Variants in BYSL observed in about 807,000 individuals in gnomAD.
BYSL encodes the protein bystin.
Under a neutral mutation model 45.4 loss-of-function variants are expected in BYSL, and 21 were observed. The ratio of observed to expected loss-of-function variants is 0.46; its 90% CI spans 0.33 to 0.67. The LOEUF (loss-of-function observed/expected upper bound fraction) is 0.67, where lower values mean the gene tolerates loss of function less well. BYSL is among the 30% of genes least tolerant of loss of function. The probability of loss-of-function intolerance (pLI) is 0.02; values close to 1 mark genes in which losing one functional copy is unlikely to be tolerated. For missense variants in BYSL, 522 were observed against 578.5 expected (o/e 0.90, Z 1.00); for synonymous variants, 215 against 231.3 (o/e 0.93, Z 0.64).
At chr6:41,914,969 T>G in the BYSL span, among the ~76,000 whole-genome samples, 6 of 152,248 alleles carry the variant, frequency 3.9e-5, no homozygotes, top group East Asian at 3.9e-4. Flanking sequence ...TGCATAAGGA[T>G]TGTCTGGATT....
At chr6:41,910,840 G>A in the BYSL span, among the ~76,000 whole-genome samples, 190 of 151,840 alleles carry the variant, frequency 1.3e-3, 1 homozygote, top group African/African-American at 4.3e-3. Flanking sequence ...TGGGCACAGT[G>A]GCTCACACCT....
intron 2 of BYSL, among the ~76,000 whole-genome samples, chr6:41,928,366 C>A (rs968345404): frequency 6.6e-6 from 1 of 152,180 alleles, no homozygotes. Flanking sequence ...CTGATAAATT[C>A]TGTGGCAGCT....
At chr6:41,912,034 A>G in the BYSL span, among the ~76,000 whole-genome samples, 2 of 151,580 alleles carry the variant, frequency 1.3e-5, no homozygotes, top group Admixed American at 6.6e-5. Context: ...GTTATGGACA[A>G]TAACATTTTC....
intron 1 of BYSL, among the ~76,000 whole-genome samples, chr6:41,922,613 A>G (rs569216828): frequency 1.3e-5 from 2 of 152,090 alleles, no homozygotes; most frequent in South Asian, 2.1e-4. Flanking sequence ...TCTTATTGCA[A>G]CCTCTTCTCC....
rs1455812602 is a variant in BYSL, at chr6:41,930,249, A to C, written c.549A>C (p.Glu183Asp). The part of the protein sequence containing the change: ...PMPQLDPRVL[E>D]VYRGVREVLS... Reference sequence around the variant, plus strand: ...CCCAGCTGGACCCCCGGGTCCTAGAAGTGTACAGGGGGGTCCGGGAGGTAA... The same window carrying C: ...CCCAGCTGGACCCCCGGGTCCTAGACGTGTACAGGGGGGTCCGGGAGGTAA... Residue 183 changes from glutamate to aspartate, a missense_variant, in exon 3 of 7, where the codon GAA becomes GAC. Physicochemically the swap from Glu to Asp is conservative, Grantham distance 45. Transcript: ENST00000230340. 1 of 1,614,046 alleles carries C rather than the reference A, an allele frequency of 6.2e-7. No homozygotes were observed. The highest frequency in any genetic ancestry group is 8.5e-7 in the Non-Finnish European group (1 of 1,180,026).
Position 41,932,643 on chromosome 6 carries a change from C to G in BYSL, c.1251C>G (p.Ile417Met). ...LQPHPQLSPE[I>M]RRELQSAVPR... ...CCCATCCACAGCTATCGCCCGAAAT[C>G]AGGCGTGAGCTTCAGAGTGCAGTCC... The change falls in exon 7 of 7, where the codon ATC becomes ATG. Residue 417 changes from isoleucine (I) to methionine (M), a missense_variant. Physicochemically the swap from Ile to Met is conservative, Grantham distance 10 (BLOSUM62 1). Coordinates refer to ENST00000230340, the MANE Select transcript of BYSL (RefSeq NM_004053.4). The surrounding 1 kb of genome is among the most constrained non-coding windows in gnomAD (Gnocchi z 4.7). 6.2e-7 allele frequency: 1 copy of G among 1,614,218 alleles called. No individual in the cohort carries two copies. The highest frequency in any genetic ancestry group is 8.5e-7 in the Non-Finnish European group (1 of 1,180,040).
chr6:41,922,200 T>C (rs1775493711), intron 1 of BYSL, among the ~76,000 whole-genome samples: 1 of 152,142 alleles, frequency 6.6e-6, no homozygotes. Flanking sequence ...GACCTTACAG[T>C]CAAGCCCAGC....
intron 1 of BYSL, among the ~76,000 whole-genome samples, chr6:41,922,726 C>G (rs1775504118): frequency 6.6e-6 from 1 of 152,226 alleles, no homozygotes; most frequent in Admixed American, 6.5e-5. Flanking sequence ...TAGCCCTGAT[C>G]TCTTCCATGA....
intron 1 of BYSL, among the ~76,000 whole-genome samples, chr6:41,926,066 C>G (rs1414719800): frequency 1.3e-5 from 2 of 152,200 alleles, no homozygotes; most frequent in Non-Finnish European, 2.9e-5. Flanking sequence ...CTGGCTTCAC[C>G]TTTCCCACGT....
rs1157979245 is a variant in BYSL, at chr6:41,921,612, C to T, written c.50C>T (p.Ala17Val). The T allele has an allele frequency of 2.5e-6, 4 of 1,601,056 alleles. No individual in the cohort carries two copies. The highest frequency in any genetic ancestry group is 2.6e-6 in the Non-Finnish European group (3 of 1,172,212). ...ARGVGGQEKH[A>V]PLADQILAGN... ...GGGGTGGGGGGTCAGGAAAAACATG[C>T]GCCCCTGGCCGATCAGATCCTGGCT... The change falls in exon 1 of 7, where the codon GCG (alanine) becomes GTG (valine). Residue 17 changes from alanine (A) to valine (V), a missense_variant. Physicochemically the swap from Ala to Val is moderately conservative, Grantham distance 64. Coordinates refer to ENST00000230340, the MANE Select transcript of BYSL (RefSeq NM_004053.4).
rs1775522979 is a variant in BYSL at position 41,923,667 on chromosome 6, CA to C, written c.268+1840del. ...CAGTTTGGTCTCAAACTCCTGGGCT[CA>C]AACGACCCTCCCTGCCTTGGCCTCC... On this transcript the variant is annotated intron_variant, in intron 1 of 6. Coordinates refer to ENST00000230340, the MANE Select transcript of BYSL (RefSeq NM_004053.4). Among the ~76,000 whole-genome samples the C allele has an allele frequency of 2.6e-5, 4 of 152,104 alleles. No homozygotes were observed. In the South Asian group the frequency reaches 8.3e-4, roughly 32 times the overall value.
chr6:41,911,128 A>C, the BYSL span, among the ~76,000 whole-genome samples: 1 of 151,242 alleles, frequency 6.6e-6, no homozygotes, highest in Admixed American at 6.6e-5. Flanking sequence ...AAAGCTGACA[A>C]TCTCATGAGA....
chr6:41,931,425 T>C lies in BYSL; in HGVS notation c.734T>C (p.Met245Thr), dbSNP rs201288163. ...RIFASNLKER[M>T]AQRFYNLVLL... ...TTTGCCTCTAACCTGAAGGAACGCA[T>C]GGCCCAGCGCTTCTACAACCTTGTC... Residue 245 changes from methionine (M) to threonine (T), a missense_variant, in exon 5 of 7, where the codon ATG becomes ACG. Physicochemically the swap from Met to Thr is moderately conservative, Grantham distance 81 (BLOSUM62 -1). Coordinates refer to ENST00000230340, the MANE Select transcript of BYSL (RefSeq NM_004053.4). 81 of 1,612,522 alleles carry C rather than the reference T, an allele frequency of 5.0e-5. No individual in the cohort carries two copies. The highest frequency in any genetic ancestry group is 6.6e-5 in the Non-Finnish European group (78 of 1,179,344).
upstream of BYSL, chr6:41,921,426 GCTT>G (rs1166104015): frequency 1.5e-5 from 19 of 1,264,334 alleles, no homozygotes; most frequent in Non-Finnish European, 1.9e-5. Flanking sequence ...CGCTGATGGC[GCTT>G]CTGGCCTCCG....
chr6:41,927,373 G>C lies in BYSL; in HGVS notation c.269-1G>C, dbSNP rs1582072664. ...CATCCATTTAGTCTCCCCTCTTCTA[G>C]GTCCAAGAATGCCTCAGGATGGATC... On this transcript the variant is annotated splice_acceptor_variant, in intron 1 of 6. Coordinates refer to ENST00000230340, the MANE Select transcript of BYSL (RefSeq NM_004053.4). LOFTEE classifies it high-confidence loss of function. 1.2e-6 allele frequency: 2 copies of C among 1,613,832 alleles called. No homozygotes were observed. The highest frequency in any genetic ancestry group is 2.2e-5 in the South Asian group (2 of 91,062).
chr6:41,927,562 A>T, intron 2 of BYSL, 26 bp downstream of exon 2: 1 of 1,608,650 alleles, frequency 6.2e-7, no homozygotes, highest in South Asian at 1.1e-5. Context: ...TGGGATAATG[A>T]GTCCTTGTAG....
At chr6:41,922,958 TCTCTCC>T (rs1775509400) in intron 1 of BYSL, among the ~76,000 whole-genome samples, 1 of 152,010 alleles carries the variant, frequency 6.6e-6, no homozygotes, top group Non-Finnish European at 1.5e-5. Flanking sequence ...CCTCTCTCTG[TCTCTCC>T]CTCCCCACAT....
rs759786813 is a variant in BYSL, at chr6:41,927,405, C to T, written c.300C>T (p.Asp100=). Residue 100 remains aspartate, a synonymous_variant, in exon 2 of 7, where the codon GAC becomes GAT. Coordinates refer to ENST00000230340, the MANE Select transcript of BYSL (RefSeq NM_004053.4). ...GPRMPQDGSD[D]EDEEWPTLEK... ...GAATGCCTCAGGATGGATCAGATGA[C>T]GAGGACGAGGAGTGGCCCACCCTGG... 6.0e-5 allele frequency: 97 copies of T among 1,614,108 alleles called. No individual in the cohort carries two copies. Among genetic ancestry groups the T allele is most frequent in the East Asian group, 2.9e-4 (13 of 44,882 alleles).
chr6:41,930,405 G>A, intron 3 of BYSL, 135 bp downstream of exon 3: 1 of 1,325,532 alleles, frequency 7.5e-7, no homozygotes, highest in Non-Finnish European at 1.0e-6. Context: ...AAGAGGCAGA[G>A]TGTGTGGGTT....
Sources: allele counts gnomAD v4.1 joint callset (sites outside exome capture counted in the v4.1 genomes callset), GRCh38; gene constraint gnomAD v4.1.1; non-coding constraint Gnocchi (gnomAD v3.1); transcripts MANE v1.5; gene names NCBI Gene and HGNC (gene_info 2026-07-23, HGNC 2026-07-21).